PA2G4: variants seen among roughly 807,000 people sequenced by gnomAD.
PA2G4 encodes the protein proliferation-associated 2G4.
Under a neutral mutation model 53.3 loss-of-function variants are expected in PA2G4, and 8 were observed. The observed-to-expected ratio is 0.15, with a 90% CI of 0.09 to 0.27. The LOEUF is 0.27. PA2G4 is among the 10% of genes least tolerant of loss of function. PA2G4 has a pLI of 1.00. For missense variants in PA2G4, 208 were observed against 486.8 expected, an observed-to-expected ratio of 0.43 and a Z score of 5.39; for synonymous variants, 143 against 169.8, an observed-to-expected ratio of 0.84 and a Z score of 1.23.
rs759644238 is a variant in PA2G4, at chr12:56,107,274, G to T, written c.393+18G>T. 8 of 1,600,104 alleles carry T rather than the reference G, an allele frequency of 5.0e-6. No homozygotes were observed. In the African/African-American group the frequency reaches 1.1e-4, roughly 21 times the overall value. ...TAGCTCAGGTAGGTGGCCTGCTTTT[G>T]ATCTCTGTTTAGCCTTGGGGTAGAG... On this transcript the variant is annotated intron_variant, in intron 4 of 12. Coordinates refer to ENST00000303305, the MANE Select transcript of PA2G4 (RefSeq NM_006191.3).
chr12:56,113,011 C>A lies in PA2G4; in HGVS notation c.*123C>A. 1 of 596,706 alleles carries A rather than the reference C, an allele frequency of 1.7e-6. No homozygotes were observed. Among genetic ancestry groups the A allele is most frequent in the African/African-American group, 2.0e-5 (1 of 51,076 alleles). The allele number at this position is 596,706 out of a possible 1,614,324, so 37.0% of individuals were successfully genotyped here. On this transcript the variant is annotated 3_prime_UTR_variant, in exon 13 of 13. Transcript: ENST00000303305. ...CAGCAGAGCGGGGGGATCTCCCTGC[C>A]CCCACCCCAGTTCCCCAACCCACTC...
chr12:56,112,680 C>G (rs1285906204), intron 12 of PA2G4, 143 bp from the exon 13 acceptor site: 1 of 610,882 alleles, frequency 1.6e-6, no homozygotes, highest in Admixed American at 3.5e-5. Flanking sequence ...CACCTGAGCC[C>G]AGGGAAGTGG....
Position 56,112,805 on chromosome 12 carries a change from T to C in PA2G4, c.1120-18T>C. ...TAGAAACTGACAGGTCTTCTCCCTC[T>C]CCTTTTCTTGCATATAGGCCTCCAA... On this transcript the variant is annotated intron_variant, in intron 12 of 12. Transcript: ENST00000303305. The C allele has an allele frequency of 6.5e-7, 1 of 1,550,362 alleles. No individual in the cohort carries two copies. The highest frequency in any genetic ancestry group is 8.8e-7 in the Non-Finnish European group (1 of 1,139,868).
intron 12 of PA2G4, among the ~76,000 whole-genome samples, chr12:56,111,773 C>G (rs1869431498): frequency 1.3e-5 from 2 of 150,782 alleles, no homozygotes; most frequent in South Asian, 4.2e-4. Context: ...GTCCTTCCAC[C>G]TCAGCCTCCC....
rs926711464 is a variant in PA2G4 at position 56,113,680 on chromosome 12, C to T, written c.*792C>T. 18 of 601,454 alleles carry T rather than the reference C, an allele frequency of 3.0e-5. No homozygotes were observed. Among genetic ancestry groups the T allele is most frequent in the African/African-American group, 3.0e-4 (16 of 53,864 alleles). The allele number at this position is 601,454 out of a possible 1,614,324, so 37.3% of individuals were successfully genotyped here. On this transcript the variant is annotated 3_prime_UTR_variant, in exon 13 of 13. Transcript: ENST00000303305. ...GTTTGAAATATTGTGATCTCCCTCC[C>T]ATGAAAGAAAAACCAAGAACCAGAG...
chr12:56,113,292 C>G lies in PA2G4; in HGVS notation c.*404C>G. 5.9e-6 allele frequency: 1 copy of G among 169,512 alleles called. No homozygotes were observed. Among genetic ancestry groups the G allele is most frequent in the Non-Finnish European group, 1.2e-5 (1 of 80,054 alleles). The allele number at this position is 169,512 out of a possible 1,614,324, so 10.5% of individuals were successfully genotyped here. The stretch of plus-strand genomic sequence containing the variant: ...GAATTTTTTTATACCACTCTGATGT[C>G]AGCATTTTTTCCATCTGTTTGGGGC... On this transcript the variant is annotated 3_prime_UTR_variant, in exon 13 of 13. Transcript: ENST00000303305.
rs1299803306 is a variant in PA2G4, at chr12:56,110,387, T to TA, written c.630-11dup. On this transcript the variant is annotated splice_polypyrimidine_tract_variant and intron_variant, in intron 7 of 12. Transcript: ENST00000303305. ...AAAAAAAAAAAAATTCCTTTCTCTC[T>TA]ATTCCTTTTAGGAAGGACCATGAAA... 3 of 1,524,080 alleles carry TA rather than the reference T, an allele frequency of 2.0e-6. No homozygotes were observed. In the African/African-American group the frequency reaches 4.1e-5, roughly 21 times the overall value. 94.4% of individuals were successfully genotyped at this position (1,524,080 alleles called of 1,614,324 possible).
rs1331752611 is a variant in PA2G4 at position 56,104,582 on chromosome 12, G to T, written c.-156G>T. 1.3e-6 allele frequency: 1 copy of T among 796,510 alleles called. No individual in the cohort carries two copies. Among genetic ancestry groups the T allele is most frequent in the African/African-American group, 1.7e-5 (1 of 59,306 alleles). 49.3% of individuals were successfully genotyped at this position (796,510 alleles called of 1,614,324 possible). ...TCAGCCCGCGCGCTCGCAGCTTCTC[G>T]CTCTCGCCTGCCTGCCCGCTCCCTT... On this transcript the variant is annotated 5_prime_UTR_variant, in exon 1 of 13. Coordinates refer to ENST00000303305, the MANE Select transcript of PA2G4 (RefSeq NM_006191.3).
Position 56,112,810 on chromosome 12 carries a change from T to G in PA2G4, c.1120-13T>G, listed in dbSNP as rs1256609938. 9 of 1,567,264 alleles carry G rather than the reference T, an allele frequency of 5.7e-6. No homozygotes were observed. On this transcript the variant is annotated splice_polypyrimidine_tract_variant and intron_variant, in intron 12 of 12. Coordinates refer to ENST00000303305, the MANE Select transcript of PA2G4 (RefSeq NM_006191.3). ...ACTGACAGGTCTTCTCCCTCTCCTT[T>G]TCTTGCATATAGGCCTCCAAGACTG...
In PA2G4 at chr12:56,104,613, C is replaced by G. The variant is rs766373916; in HGVS notation, c.-125C>G. On this transcript the variant is annotated 5_prime_UTR_variant, in exon 1 of 13. Transcript: ENST00000303305. The stretch of plus-strand genomic sequence containing the variant: ...GCCTGCCTGCCCGCTCCCTTGCTTG[C>G]TCGCGCTTTCGCTCGCCCTCTCCTC... The G allele has an allele frequency of 1.0e-6, 1 of 964,558 alleles. No individual in the cohort carries two copies. The highest frequency in any genetic ancestry group is 1.7e-6 in the Non-Finnish European group (1 of 587,458). The allele number at this position is 964,558 out of a possible 1,614,324, so 59.7% of individuals were successfully genotyped here.
intron 6 of PA2G4, 112 bp downstream of exon 6, chr12:56,109,405 A>C: frequency 1.4e-6 from 1 of 707,334 alleles, no homozygotes; most frequent in Non-Finnish European, 2.5e-6. Flanking sequence ...GGATCACCTG[A>C]GGTCAGGAGT....
chr12:56,107,739 C>A (rs1315891278), intron 5 of PA2G4, 126 bp downstream of exon 5: 2 of 619,314 alleles, frequency 3.2e-6, no homozygotes, highest in Non-Finnish European at 5.8e-6. Flanking sequence ...TTAAAATTAG[C>A]TATATTTAGC....
intron 5 of PA2G4, among the ~76,000 whole-genome samples, chr12:56,108,274 C>T (rs1172912546): frequency 6.6e-6 from 1 of 152,204 alleles, no homozygotes; most frequent in Non-Finnish European, 1.5e-5. Flanking sequence ...CAAGTTCTTT[C>T]ACTTAACACT....
chr12:56,109,962 T>C, intron 7 of PA2G4, 27 bp downstream of exon 7: 2 of 1,512,816 alleles, frequency 1.3e-6, no homozygotes, highest in Non-Finnish European at 1.8e-6. Flanking sequence ...CTTATTACCT[T>C]CTACCACACA....
Position 56,104,565 on chromosome 12 carries a change from C to T in PA2G4, c.-173C>T, listed in dbSNP as rs1413949759. 2.7e-6 allele frequency: 2 copies of T among 746,146 alleles called. No individual in the cohort carries two copies. Among genetic ancestry groups the T allele is most frequent in the African/African-American group, 3.4e-5 (2 of 58,078 alleles). The allele number at this position is 746,146 out of a possible 1,614,324, so 46.2% of individuals were successfully genotyped here. The stretch of plus-strand genomic sequence containing the variant: ...CCAGCGTGCCCTGCGCCTCAGCCCG[C>T]GCGCTCGCAGCTTCTCGCTCTCGCC... On this transcript the variant is annotated 5_prime_UTR_variant, in exon 1 of 13. Coordinates refer to ENST00000303305, the MANE Select transcript of PA2G4 (RefSeq NM_006191.3).
chr12:56,106,779 A>AT (rs1030101011), intron 2 of PA2G4, 63 bp downstream of exon 2: 2 of 1,538,846 alleles, frequency 1.3e-6, no homozygotes, highest in Non-Finnish European at 1.7e-6. Flanking sequence ...ATATGTTTTT[A>AT]TTTTTTTCAC....
intron 12 of PA2G4, among the ~76,000 whole-genome samples, chr12:56,112,570 C>A (rs1275657442): frequency 6.6e-6 from 1 of 152,012 alleles, no homozygotes; most frequent in Non-Finnish European, 1.5e-5. Context: ...TCAGCCCGGG[C>A]AACATGGTGA....
chr12:56,110,092 C>T (rs973373836), intron 7 of PA2G4, among the ~76,000 whole-genome samples, 157 bp downstream of exon 7: 3 of 152,162 alleles, frequency 2.0e-5, no homozygotes, highest in Non-Finnish European at 4.4e-5. Flanking sequence ...GGCGCGGTGG[C>T]TCACGCCTGT....
chr12:56,113,355 C>T lies in PA2G4; in HGVS notation c.*467C>T. On this transcript the variant is annotated 3_prime_UTR_variant, in exon 13 of 13. Transcript: ENST00000303305. ...TTTCCATTCTCCCCAAATATTTTAT[C>T]TGGCTTCAAAATTAAGAGGATTATT... 1 of 162,848 alleles carries T rather than the reference C, an allele frequency of 6.1e-6. No individual in the cohort carries two copies. The highest frequency in any genetic ancestry group is 1.8e-4 in the East Asian group (1 of 5,604). 10.1% of individuals were successfully genotyped at this position (162,848 alleles called of 1,614,324 possible). A position where few individuals can be genotyped will look rare whatever the true frequency, so the allele number is the denominator to read the frequency against.
Sources: allele counts gnomAD v4.1 joint callset (sites outside exome capture counted in the v4.1 genomes callset), GRCh38; gene constraint gnomAD v4.1.1; transcripts MANE v1.5; gene names NCBI Gene and HGNC (gene_info 2026-07-23, HGNC 2026-07-21).